Variants in STPG4 observed in about 807,000 individuals in gnomAD.
The protein encoded by STPG4 is protein STPG4.
In STPG4, 41 loss-of-function variants were observed where a neutral mutation model predicts 31.5. That is an observed-to-expected ratio of 1.30 (90% CI 1.01 to 1.69). STPG4 has a LOEUF of 1.69. Among genes scored for constraint, STPG4 ranks in the 40% most tolerant of loss-of-function variants. STPG4 has a pLI of 0.00. For missense variants in STPG4, 375 were observed against 293.4 expected, an observed-to-expected ratio of 1.28 and a Z score of -2.03; for synonymous variants, 141 against 103.0, an observed-to-expected ratio of 1.37 and a Z score of -2.24.
At chr2:47,147,978 G>A (rs1349443221) in intron 3 of STPG4, among the ~76,000 whole-genome samples, 2 of 149,930 alleles carry the variant, frequency 1.3e-5, no homozygotes, top group Non-Finnish European at 3.0e-5. Context: ...TTGAGACCGG[G>A]TCTTGCTCTG....
intron 5 of STPG4, among the ~76,000 whole-genome samples, chr2:47,127,467 C>T (rs1686388904): frequency 6.6e-6 from 1 of 151,932 alleles, no homozygotes; most frequent in South Asian, 2.1e-4. Context: ...CAAGCTTTTG[C>T]CATGTTGGCC....
intron 5 of STPG4, among the ~76,000 whole-genome samples, chr2:47,093,711 G>T (rs1238742477): frequency 6.6e-6 from 1 of 152,228 alleles, no homozygotes; most frequent in Non-Finnish European, 1.5e-5. Flanking sequence ...CATGGACTTG[G>T]TCATCTGAAT....
At chr2:47,087,995 C>A (rs757524996) in intron 6 of STPG4, among the ~76,000 whole-genome samples, 6 of 152,018 alleles carry the variant, frequency 3.9e-5, no homozygotes, top group Admixed American at 3.3e-4. Flanking sequence ...TCTCGTGATC[C>A]GCCCACCTCC....
intron 5 of STPG4, among the ~76,000 whole-genome samples, chr2:47,109,195 C>T (rs1030389529): frequency 2.0e-5 from 3 of 152,210 alleles, no homozygotes; most frequent in South Asian, 2.1e-4. Context: ...CTGATGTTAA[C>T]GCTGTTGGAA....
At chr2:47,138,005 T>A (rs71423947) in intron 3 of STPG4, among the ~76,000 whole-genome samples, 3 of 152,136 alleles carry the variant, frequency 2.0e-5, no homozygotes, top group Admixed American at 2.0e-4. Flanking sequence ...ATTTCTTTTC[T>A]TTCACTTACT....
chr2:47,117,521 T>C (rs913800861), intron 5 of STPG4, among the ~76,000 whole-genome samples: 1 of 152,220 alleles, frequency 6.6e-6, no homozygotes, highest in African/African-American at 2.4e-5. Flanking sequence ...ACAGATAATG[T>C]TAAATTGAGT....
intron 5 of STPG4, among the ~76,000 whole-genome samples, chr2:47,090,810 T>A (rs1292148575): frequency 6.6e-6 from 1 of 152,230 alleles, no homozygotes; most frequent in African/African-American, 2.4e-5. Flanking sequence ...ATATATGTTA[T>A]CTCAGTCCAA....
chr2:47,150,594 C>T (rs1488486573), intron 3 of STPG4, among the ~76,000 whole-genome samples: 1 of 151,702 alleles, frequency 6.6e-6, no homozygotes, highest in African/African-American at 2.4e-5. Flanking sequence ...TAGCTCACTG[C>T]AGCCTCAAAC....
chr2:47,125,487 G>C (rs1161515343), intron 5 of STPG4, among the ~76,000 whole-genome samples: 1 of 152,184 alleles, frequency 6.6e-6, no homozygotes, highest in Non-Finnish European at 1.5e-5. Flanking sequence ...TTAATCCTTT[G>C]TCAGACGGAT....
At chr2:47,094,457 C>A (rs1685631536) in intron 5 of STPG4, among the ~76,000 whole-genome samples, 1 of 152,154 alleles carries the variant, frequency 6.6e-6, no homozygotes, top group Non-Finnish European at 1.5e-5. Context: ...TTTGAAGAAG[C>A]CCTATTTAAT....
intron 5 of STPG4, among the ~76,000 whole-genome samples, chr2:47,113,524 ACATATTAAAACAACAGT>A (rs1483773448): frequency 1.3e-5 from 2 of 152,340 alleles, no homozygotes; most frequent in African/African-American, 4.8e-5. Flanking sequence ...ATGTTAAAAA[ACATATTAAAACAACAGT>A]CATATTAAAA....
rs1406662323 is a variant in STPG4, at chr2:47,151,418, C to T, written c.239G>A (p.Arg80Lys). The T allele has an allele frequency of 3.7e-6, 6 of 1,613,988 alleles. No homozygotes were observed. The highest frequency in any genetic ancestry group is 1.7e-5 in the Admixed American group (1 of 59,994). ...TCTTTGCACAAGAGGTGGCTTTTTC[C>T]TTCCTTCGTTTTTAAAATTGTAGGT... ...IATYNFKNEG[R>K]KKPPLVQRNN... The change falls in exon 3 of 7, where the codon AGG becomes AAG. Residue 80 changes from arginine (R) to lysine (K), a missense_variant. Physicochemically the swap from Arg to Lys is conservative, Grantham distance 26 (BLOSUM62 2). Coordinates refer to ENST00000445927, the MANE Select transcript of STPG4 (RefSeq NM_001163561.2).
chr2:47,105,104 A>G (rs1430490015), intron 5 of STPG4, among the ~76,000 whole-genome samples: 1 of 151,906 alleles, frequency 6.6e-6, no homozygotes, highest in Non-Finnish European at 1.5e-5. Context: ...AAAACCTTAA[A>G]GCAGGCCCTA....
intron 5 of STPG4, among the ~76,000 whole-genome samples, chr2:47,117,886 G>A (rs1466671561): frequency 6.6e-6 from 1 of 151,810 alleles, no homozygotes; most frequent in East Asian, 1.9e-4. Flanking sequence ...AGTTATCAGG[G>A]GGAAGTTGTC....
intron 3 of STPG4, among the ~76,000 whole-genome samples, chr2:47,133,173 CTT>C (rs70940658): frequency 6.9e-6 from 1 of 144,720 alleles, no homozygotes; most frequent in African/African-American, 2.5e-5. Flanking sequence ...CTTCTCAGTT[CTT>C]TTTTTTTTTT....
chr2:47,089,728 G>C (rs904899622), intron 6 of STPG4, among the ~76,000 whole-genome samples: 3 of 151,868 alleles, frequency 2.0e-5, no homozygotes, highest in African/African-American at 7.3e-5. Flanking sequence ...TCTAGGTTTG[G>C]AGGAGTCCTG....
rs10538224 is a variant in STPG4, at chr2:47,121,847, CGTGTGTGTGTGTGTGTGTGTGT to C, written c.519+8072_519+8093del. Among the ~76,000 whole-genome samples the C allele has an allele frequency of 3.5e-5, 5 of 144,326 alleles. No individual in the cohort carries two copies. The South Asian group carries it at 6.8e-4, about 20-fold the overall frequency. 94.7% of individuals were successfully genotyped at this position (144,326 alleles called of 152,430 possible). ...TTCTATATTTGAATTGCCCTCTCCT[CGTGTGTGTGTGTGTGTGTGTGT>C]GTGTGTGTGTGTGTGTGTGTAATCT... On this transcript the variant is annotated intron_variant, in intron 5 of 6. Coordinates refer to ENST00000445927, the MANE Select transcript of STPG4 (RefSeq NM_001163561.2).
chr2:47,110,081 G>A lies in STPG4; in HGVS notation c.520-19707C>T, dbSNP rs115381589. 3.4e-3 allele frequency among the ~76,000 whole-genome samples: 523 copies of A among 152,234 alleles called. 3 individuals carry two copies. Among genetic ancestry groups the A allele is most frequent in the African/African-American group, 0.012 (507 of 41,520 alleles). On this transcript the variant is annotated intron_variant, in intron 5 of 6. Coordinates refer to ENST00000445927, the MANE Select transcript of STPG4 (RefSeq NM_001163561.2). ...TTTTGTTCCCACTATCAGGAAAGAT[G>A]TGTGTGTCTCATTTTTTCACTATAT... is the stretch of plus-strand genomic sequence containing the variant.
intron 5 of STPG4, among the ~76,000 whole-genome samples, chr2:47,118,291 C>G (rs6729427): frequency 1.3e-5 from 2 of 151,952 alleles, no homozygotes; most frequent in African/African-American, 4.8e-5. Context: ...TATTGTGAAC[C>G]GCACATGCAA....
Sources: allele counts gnomAD v4.1 joint callset (sites outside exome capture counted in the v4.1 genomes callset), GRCh38; gene constraint gnomAD v4.1.1; transcripts MANE v1.5; gene names NCBI Gene and HGNC (gene_info 2026-07-23, HGNC 2026-07-21).